The following TIGD5 variants were observed in gnomAD, a reference collection of about 807,000 sequenced individuals.
TIGD5 encodes tigger transposable element-derived protein 5.
In TIGD5, 24 loss-of-function variants were observed where a neutral mutation model predicts 28.8. The ratio of observed to expected loss-of-function variants is 0.83; its 90% CI spans 0.60 to 1.17. The LOEUF is 1.17. TIGD5 is among the 50% of genes most tolerant of loss of function. The probability of loss-of-function intolerance (pLI) is 0.00; values close to 1 mark genes in which losing one functional copy is unlikely to be tolerated. For missense variants in TIGD5, 922 were observed against 911.4 expected, an observed-to-expected ratio of 1.01 and a Z score of -0.15; for synonymous variants, 538 against 430.5, an observed-to-expected ratio of 1.25 and a Z score of -3.09.
chr8:143,599,017 C>G lies in TIGD5; in HGVS notation c.1114C>G (p.Leu372Val), dbSNP rs992687723. The change falls in exon 1 of 1, where the codon CTG (leucine) becomes GTG (valine). Residue 372 changes from leucine (L) to valine (V), a missense_variant. By Grantham distance (32) the Leu-to-Val change is conservative (BLOSUM62 1). Coordinates refer to ENST00000504548, the MANE Select transcript of TIGD5 (RefSeq NM_032862.5). ...AAGCCCAGCTGCCAGTATGCCCGCC[C>G]TGGACAGCGAGGATGCCCCCGTGCG... ...CPSPAASMPA[L>V]DSEDAPVRCR... is the part of the protein sequence containing the mutation. 5 of 1,573,380 alleles carry G rather than the reference C, an allele frequency of 3.2e-6. No homozygotes were observed. In the Admixed American group the frequency reaches 5.3e-5, roughly 17 times the overall value.
Position 143,601,805 on chromosome 8 carries a change from A to G in TIGD5, c.*1973A>G, listed in dbSNP as rs10090650. ...AGGCAGCACTAATTTTTGCTATAAG[A>G]TAAAAGAGGCCAGGCACGTTGGCTC... On this transcript the variant is annotated 3_prime_UTR_variant, in exon 1 of 1. Transcript: ENST00000504548. The G allele has an allele frequency of 0.67, 101,988 of 152,148 alleles. 36,080 individuals carry two copies. The highest frequency in any genetic ancestry group is 0.79 in the Non-Finnish European group (53,811 of 68,032). The allele number at this position is 152,148 out of a possible 1,614,324, so 9.4% of individuals were successfully genotyped here.
At position 143,598,021 on chromosome 8, in the gene TIGD5, C is replaced by T; in HGVS notation, c.118C>T (p.Pro40Ser). ...CGCTGCACGGCCGCCGCCCCCCGCG[C>T]CCGGGCCGCGGCCCCGCGTGGCCGT... Reference protein sequence around the residue: ...VPAARPPPPAPGPRPRVAVKM... With the variant: ...VPAARPPPPASGPRPRVAVKM... The change falls in exon 1 of 1, where the codon CCC becomes TCC. Residue 40 changes from proline to serine, a missense_variant. Physicochemically the swap from Pro to Ser is moderately conservative, Grantham distance 74. This residue lies in a region of TIGD5 where 87 missense variants were observed against 60.9 expected (regional missense o/e 1.43). Coordinates refer to ENST00000504548, the MANE Select transcript of TIGD5 (RefSeq NM_032862.5). This position sits in a 1 kb window ranked among gnomAD's most constrained non-coding sequence, Gnocchi z 6.6. The T allele has an allele frequency of 1.5e-6, 2 of 1,302,258 alleles. No homozygotes were observed. The highest frequency in any genetic ancestry group is 1.9e-6 in the Non-Finnish European group (2 of 1,026,892). The allele number at this position is 1,302,258 out of a possible 1,614,324, so 80.7% of individuals were successfully genotyped here. A position where few individuals can be genotyped will look rare whatever the true frequency, so the allele number is the denominator to read the frequency against.
In TIGD5 at chr8:143,599,850, C is replaced by G. The variant is rs775651827; in HGVS notation, c.*18C>G. 1 of 1,451,644 alleles carries G rather than the reference C, an allele frequency of 6.9e-7. No individual in the cohort carries two copies. Among genetic ancestry groups the G allele is most frequent in the Non-Finnish European group, 9.0e-7 (1 of 1,112,000 alleles). 89.9% of individuals were successfully genotyped at this position (1,451,644 alleles called of 1,614,324 possible). Reference sequence around the variant, plus strand: ...GTGTGTGACCAGGCCAGCCCAGTGACCTTTCTCCTGCTGCACTTGGAGGGA... The same window carrying G: ...GTGTGTGACCAGGCCAGCCCAGTGAGCTTTCTCCTGCTGCACTTGGAGGGA... On this transcript the variant is annotated 3_prime_UTR_variant, in exon 1 of 1. Transcript: ENST00000504548.
Position 143,599,995 on chromosome 8 carries a change from A to G in TIGD5, c.*163A>G, listed in dbSNP as rs1829234477. Reference sequence around the variant, plus strand: ...GGCTTGGAGGAGCTCTGTTGGTGAGAGGTCGCCCTGCCTCACTGGCACCCT... The same window carrying G: ...GGCTTGGAGGAGCTCTGTTGGTGAGGGGTCGCCCTGCCTCACTGGCACCCT... On this transcript the variant is annotated 3_prime_UTR_variant, in exon 1 of 1. Coordinates refer to ENST00000504548, the MANE Select transcript of TIGD5 (RefSeq NM_032862.5). 3 of 779,080 alleles carry G rather than the reference A, an allele frequency of 3.9e-6. No individual in the cohort carries two copies. The Admixed American group carries it at 1.1e-4, about 30-fold the overall frequency. The allele number at this position is 779,080 out of a possible 1,614,324, so 48.3% of individuals were successfully genotyped here. A position where few individuals can be genotyped will look rare whatever the true frequency, so the allele number is the denominator to read the frequency against.
rs1371943942 is a variant in TIGD5 at position 143,600,041 on chromosome 8, G to A, written c.*209G>A. ...ACCCTGGGGGCACAGCTGGAAGAGA[G>A]GCCTGGCCCATGCTCCTCTCAGGGC... On this transcript the variant is annotated 3_prime_UTR_variant, in exon 1 of 1. Transcript: ENST00000504548. 3 of 474,116 alleles carry A rather than the reference G, an allele frequency of 6.3e-6. No individual in the cohort carries two copies. The South Asian group carries it at 2.0e-4, about 32-fold the overall frequency. 29.4% of individuals were successfully genotyped at this position (474,116 alleles called of 1,614,324 possible). A position where few individuals can be genotyped will look rare whatever the true frequency, so the allele number is the denominator to read the frequency against.
At position 143,598,891 on chromosome 8, in the gene TIGD5, G is replaced by T. The variant is rs760687130; in HGVS notation, c.988G>T (p.Gly330Cys). 1.3e-6 allele frequency: 2 copies of T among 1,598,584 alleles called. No individual in the cohort carries two copies. The change falls in exon 1 of 1, where the codon GGC becomes TGC. Residue 330 changes from glycine to cysteine, a missense_variant. By Grantham distance (159) the Gly-to-Cys change is radical. Coordinates refer to ENST00000504548, the MANE Select transcript of TIGD5 (RefSeq NM_032862.5). The surrounding 1 kb of genome is among the most constrained non-coding windows in gnomAD (Gnocchi z 6.6). ...CTGGCTCAGCCGCCCGCTGCTGCGGGGCTGGTTCTTTGAGGAATTTGTCCC... is the reference window on the plus strand; with the variant it reads ...CTGGCTCAGCCGCCCGCTGCTGCGGTGCTGGTTCTTTGAGGAATTTGTCCC... ...DAWLSRPLLR[G>C]WFFEEFVPGV... is the part of the protein sequence containing the mutation.
chr8:143,602,217 ATCT>A lies in TIGD5; in HGVS notation c.*2389_*2391del, dbSNP rs34979030. The A allele has an allele frequency of 0.68, 103,346 of 151,836 alleles. 36,733 individuals carry two copies. Among genetic ancestry groups the A allele is most frequent in the Non-Finnish European group, 0.79 (53,699 of 67,898 alleles). 9.4% of individuals were successfully genotyped at this position (151,836 alleles called of 1,614,324 possible). A position where few individuals can be genotyped will look rare whatever the true frequency, so the allele number is the denominator to read the frequency against. ...ACCCCCTAAAGAGGGCTTAAAAAGC[ATCT>A]TCTCCCTAGCACGGGGCATGCTGGC... On this transcript the variant is annotated 3_prime_UTR_variant, in exon 1 of 1. Coordinates refer to ENST00000504548, the MANE Select transcript of TIGD5 (RefSeq NM_032862.5).
rs775057756 is a variant in TIGD5 at position 143,599,661 on chromosome 8, G to C, written c.1758G>C (p.Pro586=). ...EATDYGGTSV[P]TAGEAVRGLE... ...CCGACTATGGAGGGACCTCAGTGCC[G>C]ACTGCCGGGGAGGCCGTGCGGGGGC... Residue 586 remains proline (P), a synonymous_variant, in exon 1 of 1, where the codon CCG becomes CCC. Transcript: ENST00000504548. 2 of 1,518,932 alleles carry C rather than the reference G, an allele frequency of 1.3e-6. No individual in the cohort carries two copies. Among genetic ancestry groups the C allele is most frequent in the East Asian group, 2.3e-5 (1 of 43,732 alleles). 94.1% of individuals were successfully genotyped at this position (1,518,932 alleles called of 1,614,324 possible).
At position 143,598,120 on chromosome 8, in the gene TIGD5, C is replaced by T; in HGVS notation, c.217C>T (p.Arg73Trp). The T allele has an allele frequency of 1.3e-6, 2 of 1,577,768 alleles. No individual in the cohort carries two copies. Among genetic ancestry groups the T allele is most frequent in the South Asian group, 1.2e-5 (1 of 86,740 alleles). ...QAIERVKGGERQASVCRDFGV... is the reference protein window; with the variant it reads ...QAIERVKGGEWQASVCRDFGV... The stretch of plus-strand genomic sequence containing the variant: ...CATCGAGCGCGTCAAGGGCGGCGAG[C>T]GGCAGGCCAGTGTGTGCCGCGACTT... The change falls in exon 1 of 1, where the codon CGG becomes TGG. Residue 73 changes from arginine to tryptophan, a missense_variant. Coordinates refer to ENST00000504548, the MANE Select transcript of TIGD5 (RefSeq NM_032862.5). The surrounding 1 kb of genome is among the most constrained non-coding windows in gnomAD (Gnocchi z 6.6).
At position 143,598,969 on chromosome 8, in the gene TIGD5, C is replaced by A; in HGVS notation, c.1066C>A (p.Leu356Met). 6.3e-7 allele frequency: 1 copy of A among 1,579,072 alleles called. No homozygotes were observed. Among genetic ancestry groups the A allele is most frequent in the Admixed American group, 1.7e-5 (1 of 57,844 alleles). Residue 356 changes from leucine to methionine, a missense_variant, in exon 1 of 1, where the codon CTG (leucine) becomes ATG (methionine). Leu to Met is a conservative substitution (Grantham distance 15, BLOSUM62 2). This residue lies in a region of TIGD5 where 821 missense variants were observed against 815.2 expected (regional missense o/e 1.01). Transcript: ENST00000504548. The surrounding 1 kb of genome is among the most constrained non-coding windows in gnomAD (Gnocchi z 6.6). ...CTGCCTGCAGCAGAAGGCCGTGCTG[C>A]TGGTGGCCCACCCGCCCTGCCCAAG... ...RSCLQQKAVL[L>M]VAHPPCPSPA...
At position 143,598,619 on chromosome 8, in the gene TIGD5, C is replaced by T; in HGVS notation, c.716C>T (p.Ala239Val). The T allele has an allele frequency of 6.8e-7, 1 of 1,468,032 alleles. No individual in the cohort carries two copies. Among genetic ancestry groups the T allele is most frequent in the East Asian group, 2.8e-5 (1 of 35,294 alleles). 90.9% of individuals were successfully genotyped at this position (1,468,032 alleles called of 1,614,324 possible). ...GGYGDEQIYSASVTGLYWKLL... is the reference protein window; with the variant it reads ...GGYGDEQIYSVSVTGLYWKLL... ...TACGGGGACGAGCAGATTTACAGCG[C>T]CAGCGTCACCGGCCTCTACTGGAAG... Residue 239 changes from alanine to valine, a missense_variant, in exon 1 of 1, where the codon GCC becomes GTC. Transcript: ENST00000504548. This position sits in a 1 kb window ranked among gnomAD's most constrained non-coding sequence, Gnocchi z 6.6.
In TIGD5 at chr8:143,598,439, A is replaced by G. The variant is rs1294360641; in HGVS notation, c.536A>G (p.His179Arg). Residue 179 changes from histidine (H) to arginine (R), a missense_variant, in exon 1 of 1, where the codon CAC (histidine) becomes CGC (arginine). Physicochemically the swap from His to Arg is conservative, Grantham distance 29. Coordinates refer to ENST00000504548, the MANE Select transcript of TIGD5 (RefSeq NM_032862.5). The surrounding 1 kb of genome is among the most constrained non-coding windows in gnomAD (Gnocchi z 6.6). ...HGWFWRWQKR[H>R]GISSQRFYGE... ...TGGTTCTGGCGCTGGCAGAAGCGCC[A>G]CGGCATCTCCAGCCAGCGCTTCTAC... The G allele has an allele frequency of 6.0e-6, 9 of 1,492,260 alleles. No individual in the cohort carries two copies. Among genetic ancestry groups the G allele is most frequent in the Non-Finnish European group, 7.1e-6 (8 of 1,124,334 alleles). 92.4% of individuals were successfully genotyped at this position (1,492,260 alleles called of 1,614,324 possible).
In TIGD5 at chr8:143,599,940, C is replaced by G; in HGVS notation, c.*108C>G. 1 of 1,222,982 alleles carries G rather than the reference C, an allele frequency of 8.2e-7. No individual in the cohort carries two copies. The highest frequency in any genetic ancestry group is 1.1e-6 in the Non-Finnish European group (1 of 943,100). 75.8% of individuals were successfully genotyped at this position (1,222,982 alleles called of 1,614,324 possible). A position where few individuals can be genotyped will look rare whatever the true frequency, so the allele number is the denominator to read the frequency against. ...CCTGGGGTGGCCCACCGCATGGGTA[C>G]AGGGGGTTCCAGGAATCCAAATCCA... On this transcript the variant is annotated 3_prime_UTR_variant, in exon 1 of 1. Transcript: ENST00000504548.
rs1056452036 is a variant in TIGD5 at position 143,598,450 on chromosome 8, A to T, written c.547A>T (p.Ser183Cys). 2 of 1,483,070 alleles carry T rather than the reference A, an allele frequency of 1.3e-6. No individual in the cohort carries two copies. The highest frequency in any genetic ancestry group is 1.8e-6 in the Non-Finnish European group (2 of 1,120,224). The allele number at this position is 1,483,070 out of a possible 1,614,324, so 91.9% of individuals were successfully genotyped here. ...WRWQKRHGIS[S>C]QRFYGEAGPP... The stretch of plus-strand genomic sequence containing the variant: ...CTGGCAGAAGCGCCACGGCATCTCC[A>T]GCCAGCGCTTCTACGGCGAGGCCGG... Residue 183 changes from serine (S) to cysteine (C), a missense_variant, in exon 1 of 1, where the codon AGC becomes TGC. By Grantham distance (112) the Ser-to-Cys change is moderately radical (BLOSUM62 -1). This residue lies in a region of TIGD5 where 821 missense variants were observed against 815.2 expected (regional missense o/e 1.01). Coordinates refer to ENST00000504548, the MANE Select transcript of TIGD5 (RefSeq NM_032862.5). This position sits in a 1 kb window ranked among gnomAD's most constrained non-coding sequence, Gnocchi z 6.6.
chr8:143,601,537 A>C lies in TIGD5; in HGVS notation c.*1705A>C, dbSNP rs1474883034. The C allele has an allele frequency of 6.6e-6, 1 of 152,342 alleles. No homozygotes were observed. Among genetic ancestry groups the C allele is most frequent in the Non-Finnish European group, 1.5e-5 (1 of 68,094 alleles). The allele number at this position is 152,342 out of a possible 1,614,324, so 9.4% of individuals were successfully genotyped here. ...AAGCTGACTTCACGGCCGCGGTGCC[A>C]GTGAGGGCTGCATAGCCAGGCCTTG... On this transcript the variant is annotated 3_prime_UTR_variant, in exon 1 of 1. Coordinates refer to ENST00000504548, the MANE Select transcript of TIGD5 (RefSeq NM_032862.5).
At position 143,598,176 on chromosome 8, in the gene TIGD5, G is replaced by T; in HGVS notation, c.273G>T (p.Trp91Cys). The change falls in exon 1 of 1, where the codon TGG (tryptophan) becomes TGT (cysteine). Residue 91 changes from tryptophan (W) to cysteine (C), a missense_variant. By Grantham distance (215) the Trp-to-Cys change is radical. Around this residue, in one of 3 missense-constraint regions of TIGD5, gnomAD observed 821 missense variants for 815.2 expected, o/e 1.01. Coordinates refer to ENST00000504548, the MANE Select transcript of TIGD5 (RefSeq NM_032862.5). This position sits in a 1 kb window ranked among gnomAD's most constrained non-coding sequence, Gnocchi z 6.6. The stretch of plus-strand genomic sequence containing the variant: ...TGCCGGGCGGGACGCTGCGCGGCTG[G>T]CTCAAGGACGAGCCCAAGCTGCGCT... The part of the protein sequence containing the change: ...FGVPGGTLRG[W>C]LKDEPKLRWF... 6.2e-7 allele frequency: 1 copy of T among 1,602,280 alleles called. No homozygotes were observed. The highest frequency in any genetic ancestry group is 8.5e-7 in the Non-Finnish European group (1 of 1,175,342).
rs1394699148 is a variant in TIGD5, at chr8:143,597,892, C to G, written c.-12C>G. The G allele has an allele frequency of 4.7e-6, 4 of 855,704 alleles. No homozygotes were observed. The East Asian group carries it at 3.7e-4, about 79-fold the overall frequency. The allele number at this position is 855,704 out of a possible 1,614,324, so 53.0% of individuals were successfully genotyped here. ...CGCGACCCGCGCGGCCCGGGTCCCC[C>G]CCGCCGCAGCCATGTACCCCGCGGG... On this transcript the variant is annotated 5_prime_UTR_variant, in exon 1 of 1. Coordinates refer to ENST00000504548, the MANE Select transcript of TIGD5 (RefSeq NM_032862.5).
rs777570173 is a variant in TIGD5 at position 143,599,580 on chromosome 8, G to A, written c.1677G>A (p.Pro559=). The change falls in exon 1 of 1, where the codon CCG becomes CCA. Residue 559 remains proline, a synonymous_variant. Coordinates refer to ENST00000504548, the MANE Select transcript of TIGD5 (RefSeq NM_032862.5). ...VGPALPPAAP[P]APASLPSAMG... The stretch of plus-strand genomic sequence containing the variant: ...CAGCCCTGCCCCCTGCAGCGCCTCC[G>A]GCCCCAGCCAGTCTGCCCTCTGCCA... 34 of 1,532,654 alleles carry A rather than the reference G, an allele frequency of 2.2e-5. 1 individual carries two copies. The highest frequency in any genetic ancestry group is 2.7e-5 in the Non-Finnish European group (31 of 1,143,106). 94.9% of individuals were successfully genotyped at this position (1,532,654 alleles called of 1,614,324 possible).
rs1197308144 is a variant in TIGD5 at position 143,597,928 on chromosome 8, G to C, written c.25G>C (p.Gly9Arg). The C allele has an allele frequency of 2.0e-5, 17 of 852,410 alleles. No homozygotes were observed. The highest frequency in any genetic ancestry group is 2.4e-5 in the Non-Finnish European group (17 of 713,192). 52.8% of individuals were successfully genotyped at this position (852,410 alleles called of 1,614,324 possible). Residue 9 changes from glycine to arginine, a missense_variant, in exon 1 of 1, where the codon GGC becomes CGC. Coordinates refer to ENST00000504548, the MANE Select transcript of TIGD5 (RefSeq NM_032862.5). MYPAGPPA[G>R]PVPRRGRRPL... ...CATGTACCCCGCGGGCCCCCCGGCC[G>C]GCCCGGTACCGCGCCGCGGCCGCCG...
Sources: allele counts gnomAD v4.1 joint callset, GRCh38; gene constraint gnomAD v4.1.1; regional missense constraint gnomAD v4.1.1; non-coding constraint Gnocchi (gnomAD v3.1); transcripts MANE v1.5; gene names NCBI Gene and HGNC (gene_info 2026-07-23, HGNC 2026-07-21).